DLST: variants seen among roughly 807,000 people sequenced by gnomAD.
DLST encodes dihydrolipoyllysine-residue succinyltransferase component of 2-oxoglutarate dehydrogenase complex, mitochondrial.
In DLST, 17 loss-of-function variants were observed where a neutral mutation model predicts 53.1. That is an observed-to-expected ratio of 0.32 (90% CI 0.22 to 0.48). The LOEUF (loss-of-function observed/expected upper bound fraction) is 0.48, where lower values mean the gene tolerates loss of function less well. Among genes scored for constraint, DLST ranks in the 20% least tolerant of loss-of-function variants. The pLI is 0.99. For missense variants in DLST, 512 were observed against 583.9 expected (o/e 0.88, Z 1.27); for synonymous variants, 206 against 204.8 (o/e 1.01, Z -0.05).
At position 74,891,139 on chromosome 14, in the gene DLST, T is replaced by C; in HGVS notation, c.414T>C (p.Thr138=). The C allele has an allele frequency of 1.2e-6, 2 of 1,614,180 alleles. No homozygotes were observed. The highest frequency in any genetic ancestry group is 1.7e-6 in the Non-Finnish European group (2 of 1,180,020). ...ATGGGGGAAAAGTCGAAGGAGGCACTCCACTTTTCACACTCAGGAAAACTG... is the reference window on the plus strand; with the variant it reads ...ATGGGGGAAAAGTCGAAGGAGGCACCCCACTTTTCACACTCAGGAAAACTG... The part of the protein sequence containing the change: ...VPDGGKVEGG[T]PLFTLRKTGA... Residue 138 remains threonine (T), a synonymous_variant, in exon 7 of 15, where the codon ACT becomes ACC. Transcript: ENST00000334220.
Position 74,903,689 on chromosome 14 carries a change from A to G in DLST, c.*1359A>G, listed in dbSNP as rs1566798700. ...TCTTCACTATTCAGAACTTGTAACT[A>G]AAGTATTTAAAGAAACTGATTTTAA... On this transcript the variant is annotated 3_prime_UTR_variant, in exon 15 of 15. Transcript: ENST00000334220. The G allele has an allele frequency of 6.6e-6, 1 of 152,176 alleles. No individual in the cohort carries two copies. The highest frequency in any genetic ancestry group is 1.5e-5 in the Non-Finnish European group (1 of 68,042). The allele number at this position is 152,176 out of a possible 1,614,324, so 9.4% of individuals were successfully genotyped here.
intron 6 of DLST, 38 bp from the exon 7 acceptor site, chr14:74,891,018 A>G: frequency 2.5e-6 from 4 of 1,592,014 alleles, no homozygotes; most frequent in Non-Finnish European, 3.4e-6. Context: ...AATGCTGGAT[A>G]AACATTTGGA....
At chr14:74,899,640 C>T (rs892409588) in intron 11 of DLST, among the ~76,000 whole-genome samples, 4 of 152,172 alleles carry the variant, frequency 2.6e-5, no homozygotes, top group Non-Finnish European at 4.4e-5. Context: ...GAGTTTAGTG[C>T]ATACCTATCC....
At chr14:74,893,480 T>G in intron 9 of DLST, 56 bp downstream of exon 9, 1 of 1,594,264 alleles carries the variant, frequency 6.3e-7, no homozygotes, top group Non-Finnish European at 8.6e-7. Context: ...TTGAGATTAG[T>G]GGAGTATGGG....
chr14:74,884,851 A>G (rs1883648888), intron 2 of DLST, among the ~76,000 whole-genome samples: 1 of 152,194 alleles, frequency 6.6e-6, no homozygotes, highest in South Asian at 2.1e-4. Flanking sequence ...GTTAATCTGA[A>G]AGAAAAAAGA....
At chr14:74,884,966 C>T (rs1049325176) in intron 2 of DLST, among the ~76,000 whole-genome samples, 3 of 152,176 alleles carry the variant, frequency 2.0e-5, no homozygotes, top group Admixed American at 1.3e-4. Flanking sequence ...GGTCTCTCAC[C>T]TTGTTGAGAG....
chr14:74,886,628 G>A (rs763728290), intron 3 of DLST, among the ~76,000 whole-genome samples: 4 of 152,162 alleles, frequency 2.6e-5, no homozygotes, highest in Non-Finnish European at 4.4e-5. Flanking sequence ...TATGGTGCCT[G>A]GCTGATTTTT....
intron 12 of DLST, 112 bp downstream of exon 12, chr14:74,900,108 T>C (rs989273571): frequency 1.9e-5 from 21 of 1,126,360 alleles, no homozygotes; most frequent in East Asian, 2.4e-5. Flanking sequence ...TAGAAGGGAG[T>C]TAGTAAAAGT....
chr14:74,892,224 G>A (rs1485426057), intron 7 of DLST, among the ~76,000 whole-genome samples: 1 of 152,128 alleles, frequency 6.6e-6, no homozygotes, highest in East Asian at 1.9e-4. Flanking sequence ...CTGGGACTAT[G>A]GGCACATGCC....
intron 3 of DLST, 108 bp from the exon 4 acceptor site, chr14:74,888,987 C>A: frequency 1.8e-6 from 2 of 1,118,424 alleles, no homozygotes; most frequent in Non-Finnish European, 1.3e-6. Context: ...ATGGACACCC[C>A]TGGTCAAGAG....
intron 7 of DLST, chr14:74,891,453 T>A (rs1883904690): frequency 9.6e-7 from 1 of 1,043,106 alleles, no homozygotes; most frequent in Non-Finnish European, 1.2e-6. Flanking sequence ...AGATTGAGCA[T>A]ACCTAATCTG....
chr14:74,882,207 C>T (rs1883544489), intron 1 of DLST, among the ~76,000 whole-genome samples, 191 bp downstream of exon 1: 2 of 152,172 alleles, frequency 1.3e-5, no homozygotes, highest in South Asian at 4.1e-4. Flanking sequence ...CCCAGCGGCC[C>T]CCTGCCTTCT....
intron 6 of DLST, among the ~76,000 whole-genome samples, chr14:74,890,748 T>A (rs1228226943): frequency 6.6e-6 from 1 of 152,180 alleles, no homozygotes; most frequent in Non-Finnish European, 1.5e-5. Context: ...CGTTTCGCTC[T>A]ATCACCCAGG....
chr14:74,898,981 CATT>C, intron 11 of DLST, among the ~76,000 whole-genome samples: 1 of 152,320 alleles, frequency 6.6e-6, no homozygotes, highest in Admixed American at 6.5e-5. Flanking sequence ...TTACCTACGT[CATT>C]GTAGTGTTGA....
At position 74,882,615 on chromosome 14, in the gene DLST, T is replaced by C; in HGVS notation, c.88T>C (p.Ser30Pro). The change falls in exon 2 of 15, where the codon TCC (serine) becomes CCC (proline). Residue 30 changes from serine (S) to proline (P), a missense_variant. Around this residue, in one of 4 missense-constraint regions of DLST, gnomAD observed 129 missense variants for 90.9 expected, o/e 1.42. Coordinates refer to ENST00000334220, the MANE Select transcript of DLST (RefSeq NM_001933.5). ...GGGGAACTGCCCTCTAGGGAGACGTTCCCTGCCTGGTAAGTTCTGCCCTTA... is the reference window on the plus strand; with the variant it reads ...GGGGAACTGCCCTCTAGGGAGACGTCCCCTGCCTGGTAAGTTCTGCCCTTA... ...QKGNCPLGRR[S>P]LPGVSLCQGP... is the part of the protein sequence containing the mutation. 6.2e-7 allele frequency: 1 copy of C among 1,613,986 alleles called. No homozygotes were observed. Among genetic ancestry groups the C allele is most frequent in the Non-Finnish European group, 8.5e-7 (1 of 1,179,996 alleles).
At chr14:74,894,161 A>G in intron 9 of DLST, 151 bp from the exon 10 acceptor site, 1 of 853,560 alleles carries the variant, frequency 1.2e-6, no homozygotes. Context: ...AGAAAGGGCC[A>G]CCACAGGAAA....
intron 4 of DLST, 54 bp from the exon 5 acceptor site, chr14:74,889,221 T>C (rs1234161794): frequency 6.2e-7 from 1 of 1,606,260 alleles, no homozygotes; most frequent in Non-Finnish European, 8.5e-7. Flanking sequence ...TAAAGAAAAA[T>C]ATTAAAAAGG....
intron 6 of DLST, among the ~76,000 whole-genome samples, chr14:74,890,208 A>G (rs886821172): frequency 3.4e-5 from 5 of 147,344 alleles, no homozygotes; most frequent in African/African-American, 5.1e-5. Flanking sequence ...GCTCACTGCA[A>G]CCTCCACCTC....
At chr14:74,893,479 G>A in intron 9 of DLST, 55 bp downstream of exon 9, 2 of 1,594,628 alleles carry the variant, frequency 1.3e-6, no homozygotes, top group South Asian at 1.1e-5. Context: ...GTTGAGATTA[G>A]TGGAGTATGG....
Sources: gnomAD v4.1 joint callset for allele counts (sites outside exome capture counted in the v4.1 genomes callset) on GRCh38, gnomAD v4.1.1 for gene constraint, gnomAD v4.1.1 regional missense constraint, MANE v1.5 for transcripts, NCBI Gene and HGNC (gene_info 2026-07-23, HGNC 2026-07-21) for gene names.